The following RUBCN variants were observed in gnomAD, a reference collection of about 807,000 sequenced individuals.
RUBCN encodes the protein run domain Beclin-1-interacting and cysteine-rich domain-containing protein.
Under a neutral mutation model 113.2 loss-of-function variants are expected in RUBCN, and 74 were observed. That is an observed-to-expected ratio of 0.65 (90% CI 0.54 to 0.79). The LOEUF (loss-of-function observed/expected upper bound fraction) is 0.79, where lower values mean the gene tolerates loss of function less well. RUBCN is among the 30% of genes least tolerant of loss of function. The pLI is 0.00. For synonymous variants in RUBCN, 480 were observed against 490.0 expected (o/e 0.98, Z 0.27); for missense variants, 1,109 against 1,251.7 (o/e 0.89, Z 1.72).
chr3:197,677,648 G>A (rs1720598048), intron 16 of RUBCN, 107 bp from the exon 17 acceptor site: 24 of 959,368 alleles, frequency 2.5e-5, no homozygotes, highest in Non-Finnish European at 3.3e-5. Flanking sequence ...AGCCTTGCAT[G>A]CTGCACCCAG....
At chr3:197,682,848 C>T (rs1353174171) in intron 13 of RUBCN, among the ~76,000 whole-genome samples, 2 of 152,130 alleles carry the variant, frequency 1.3e-5, no homozygotes, top group Admixed American at 6.5e-5. Context: ...TCAGAAACAA[C>T]CAGGAGGCGC....
intron 11 of RUBCN, among the ~76,000 whole-genome samples, chr3:197,690,655 G>A (rs866310611): frequency 1.3e-5 from 2 of 152,202 alleles, no homozygotes; most frequent in African/African-American, 4.8e-5. Context: ...CAAATTCAAA[G>A]TTCTAAAGAG....
chr3:197,696,130 T>C, intron 8 of RUBCN, 149 bp from the exon 9 acceptor site: 2 of 777,924 alleles, frequency 2.6e-6, no homozygotes, highest in Non-Finnish European at 4.3e-6. Flanking sequence ...TTCTTGCACT[T>C]TGGGAGGGCA....
intron 2 of RUBCN, among the ~76,000 whole-genome samples, chr3:197,712,646 G>C (rs1030952430): frequency 6.6e-6 from 1 of 152,148 alleles, no homozygotes; most frequent in Non-Finnish European, 1.5e-5. Context: ...GTTGCTAAAT[G>C]TGTGTGTGTC....
rs1353968366 is a variant in RUBCN at position 197,670,459 on chromosome 3, G to A, written c.*4559C>T. Among the ~76,000 whole-genome samples the A allele has an allele frequency of 6.6e-6, 1 of 152,150 alleles. No homozygotes were observed. On this transcript the variant is annotated 3_prime_UTR_variant, in exon 20 of 20. Transcript: ENST00000296343. ...CTCTTCAACAGTCTTTCCAATTTTGGAATATGATCATCTAAAATCTAAGTT... is the reference window on the plus strand; with the variant it reads ...CTCTTCAACAGTCTTTCCAATTTTGAAATATGATCATCTAAAATCTAAGTT...
In RUBCN at chr3:197,704,915, GT is replaced by G. The variant is rs1017421205; in HGVS notation, c.303+176del. Reference sequence around the variant, plus strand: ...GTGGCCTGGACCAATGGGTTTGCATGTTTTTTTTTTTTAAGCAAATAAAGTC... The same window carrying G: ...GTGGCCTGGACCAATGGGTTTGCATGTTTTTTTTTTTAAGCAAATAAAGTC... On this transcript the variant is annotated intron_variant, in intron 3 of 19. Coordinates refer to ENST00000296343, the MANE Select transcript of RUBCN (RefSeq NM_014687.4). Among the ~76,000 whole-genome samples the G allele has an allele frequency of 7.0e-4, 102 of 146,032 alleles. No individual in the cohort carries two copies. The Middle Eastern group carries it at 0.011, about 15-fold the overall frequency.
upstream of RUBCN, chr3:197,737,038 C>G: frequency 1.2e-6 from 1 of 848,668 alleles, no homozygotes; most frequent in Non-Finnish European, 1.5e-6. Flanking sequence ...CTCCCGCAAG[C>G]CGCGCCCTCC....
upstream of RUBCN, among the ~76,000 whole-genome samples, chr3:197,740,547 C>T (rs1168202208): frequency 1.3e-5 from 2 of 152,044 alleles, no homozygotes; most frequent in African/African-American, 4.8e-5. Flanking sequence ...GATAATAGTA[C>T]AGCATCAATG....
rs1165064210 is a variant in RUBCN at position 197,703,397 on chromosome 3, C to CAAAA, written c.570+147_570+150dup. 4.3e-3 allele frequency: 673 copies of CAAAA among 155,652 alleles called. 22 individuals carry two copies. Among genetic ancestry groups the CAAAA allele is most frequent in the East Asian group, 6.0e-3 (31 of 5,144 alleles). 9.6% of individuals were successfully genotyped at this position (155,652 alleles called of 1,614,324 possible). A position where few individuals can be genotyped will look rare whatever the true frequency, so the allele number is the denominator to read the frequency against. On this transcript the variant is annotated intron_variant, in intron 5 of 19. Transcript: ENST00000296343. ...TGGGAAACAGAGCGAGACTCTGTCT[C>CAAAA]AAAAAAAAAAAAAAAAAAAAAAAAA...
chr3:197,685,142 A>T (rs557780475), intron 11 of RUBCN, among the ~76,000 whole-genome samples: 2 of 152,200 alleles, frequency 1.3e-5, no homozygotes, highest in Admixed American at 1.3e-4. Context: ...ATTTCTAATA[A>T]TGATATGCTG....
chr3:197,728,283 T>C (rs1432596145), intron 1 of RUBCN, among the ~76,000 whole-genome samples: 1 of 152,206 alleles, frequency 6.6e-6, no homozygotes, highest in Non-Finnish European at 1.5e-5. Context: ...CTTAGAGTCC[T>C]TGCAGTCCCC....
intron 1 of RUBCN, among the ~76,000 whole-genome samples, chr3:197,720,212 ACT>A (rs1725994961): frequency 6.6e-6 from 1 of 151,512 alleles, no homozygotes; most frequent in Non-Finnish European, 1.5e-5. Flanking sequence ...CCACTATTCC[ACT>A]CTCTACCTCC....
intron 7 of RUBCN, chr3:197,699,219 T>C (rs1476971345): frequency 1.9e-6 from 3 of 1,549,890 alleles, no homozygotes; most frequent in Admixed American, 3.9e-5. Context: ...AATGGTGATA[T>C]TCCTGGGGCC....
chr3:197,679,482 T>TCTAA (rs1165605806), intron 16 of RUBCN, among the ~76,000 whole-genome samples: 9 of 137,566 alleles, frequency 6.5e-5, no homozygotes, highest in South Asian at 4.5e-4. Context: ...TGTCCTACGC[T>TCTAA]CTGACAACTG....
At chr3:197,725,174 C>G (rs1726594959) in intron 1 of RUBCN, among the ~76,000 whole-genome samples, 2 of 152,048 alleles carry the variant, frequency 1.3e-5, no homozygotes, top group African/African-American at 4.8e-5. Flanking sequence ...CTTTTAATGC[C>G]AGAAAGTACT....
intron 7 of RUBCN, among the ~76,000 whole-genome samples, chr3:197,698,387 T>C (rs1421016093): frequency 1.3e-5 from 2 of 152,228 alleles, no homozygotes; most frequent in African/African-American, 2.4e-5. Flanking sequence ...CCAGTGTTCA[T>C]GTCCATGAAT....
chr3:197,686,516 C>T (rs1266526872), intron 11 of RUBCN, among the ~76,000 whole-genome samples: 4 of 152,216 alleles, frequency 2.6e-5, no homozygotes, highest in Admixed American at 6.5e-5. Context: ...CGCAGCTCTG[C>T]GGGTCCTGGG....
chr3:197,714,649 C>T lies in RUBCN; in HGVS notation c.219+3328G>A, dbSNP rs372834674. On this transcript the variant is annotated intron_variant, in intron 2 of 19. Transcript: ENST00000296343. ...GCAGCCAAGTATACACACTTTAATACCAATTAGTTGATTAGCTCTTTTCCA... is the reference window on the plus strand; with the variant it reads ...GCAGCCAAGTATACACACTTTAATATCAATTAGTTGATTAGCTCTTTTCCA... 7.2e-5 allele frequency among the ~76,000 whole-genome samples: 11 copies of T among 152,190 alleles called. No homozygotes were observed. In the East Asian group the frequency reaches 1.5e-3, roughly 21 times the overall value.
intron 4 of RUBCN, 79 bp from the exon 5 acceptor site, chr3:197,703,733 A>C: frequency 1.2e-6 from 1 of 865,990 alleles, no homozygotes; most frequent in Non-Finnish European, 1.9e-6. Flanking sequence ...AGAAAGGGAG[A>C]GGTAAGGATG....
Sources: gnomAD v4.1 joint callset for allele counts (sites outside exome capture counted in the v4.1 genomes callset) on GRCh38, gnomAD v4.1.1 for gene constraint, MANE v1.5 for transcripts, NCBI Gene and HGNC (gene_info 2026-07-23, HGNC 2026-07-21) for gene names.